IST1: variants seen among roughly 807,000 people sequenced by gnomAD.
IST1 encodes the protein IST1 homolog.
In IST1, 23 loss-of-function variants were observed where a neutral mutation model predicts 37.0. The observed-to-expected ratio is 0.62, with a 90% CI of 0.45 to 0.88. The LOEUF (loss-of-function observed/expected upper bound fraction) is 0.88, where lower values mean the gene tolerates loss of function less well. Ranked by LOEUF, IST1 falls within the 40% of genes least tolerant of loss-of-function variation. IST1 has a pLI of 0.00. For synonymous variants in IST1, 180 were observed against 161.7 expected, an observed-to-expected ratio of 1.11 and a Z score of -0.86; for missense variants, 488 against 445.4, an observed-to-expected ratio of 1.10 and a Z score of -0.86.
intron 1 of IST1, among the ~76,000 whole-genome samples, chr16:71,907,470 G>T (rs1188271566): frequency 6.6e-6 from 1 of 151,902 alleles, no homozygotes; most frequent in Non-Finnish European, 1.5e-5. Context: ...GTAGAGACGG[G>T]GTTTCACTGT....
In IST1 at chr16:71,930,918, C is replaced by G. The variant is rs1016087739; in HGVS notation, c.*3105C>G. ...CAGTCAATGCCACCCTGATGGAAAT[C>G]TATATGGCAAAATATTTTCAAGCAC... is the stretch of plus-strand genomic sequence containing the variant. On this transcript the variant is annotated 3_prime_UTR_variant, in exon 10 of 10. Coordinates refer to ENST00000378799, the MANE Select transcript of IST1 (RefSeq NM_001270975.2). 36 of 152,154 alleles carry G rather than the reference C, an allele frequency of 2.4e-4. No individual in the cohort carries two copies. Among genetic ancestry groups the G allele is most frequent in the African/African-American group, 8.7e-4 (36 of 41,442 alleles). 9.4% of individuals were successfully genotyped at this position (152,154 alleles called of 1,614,324 possible).
intron 8 of IST1, 147 bp downstream of exon 8, chr16:71,923,527 C>A: frequency 2.0e-6 from 1 of 503,256 alleles, no homozygotes; most frequent in Non-Finnish European, 3.6e-6. Flanking sequence ...TGCTTTATAA[C>A]ACTACCCTGG....
rs1260666652 is a variant in IST1, at chr16:71,923,283, T to TA, written c.760-4dup. 1.3e-6 allele frequency: 2 copies of TA among 1,595,706 alleles called. No individual in the cohort carries two copies. The highest frequency in any genetic ancestry group is 2.2e-5 in the East Asian group (1 of 44,540). On this transcript the variant is annotated splice_polypyrimidine_tract_variant and splice_region_variant and intron_variant, in intron 7 of 9. Transcript: ENST00000378799. ...GTCTCTGATGTTGCCTTTCTCCTCT[T>TA]ACAGTCAGATTTCAATGGACTGCCA... is the stretch of plus-strand genomic sequence containing the variant.
intron 1 of IST1, among the ~76,000 whole-genome samples, chr16:71,908,404 A>G (rs1215235456): frequency 4.2e-5 from 6 of 143,824 alleles, no homozygotes; most frequent in Non-Finnish European, 9.0e-5. Context: ...AGTTCAAGCG[A>G]TTCTCCTGCC....
At chr16:71,915,527 A>C (rs2037448540) in intron 1 of IST1, 99 bp from the exon 2 acceptor site, 1 of 720,032 alleles carries the variant, frequency 1.4e-6, no homozygotes. Flanking sequence ...GTATTAGAAA[A>C]ACACTCTGTT....
chr16:71,896,921 A>T (rs1282360130), intron 1 of IST1, among the ~76,000 whole-genome samples: 1 of 151,940 alleles, frequency 6.6e-6, no homozygotes, highest in Non-Finnish European at 1.5e-5. Flanking sequence ...TGAGTCGGTA[A>T]TCGTGCCACT....
At chr16:71,906,346 T>C (rs1186996264) in intron 1 of IST1, among the ~76,000 whole-genome samples, 1 of 150,660 alleles carries the variant, frequency 6.6e-6, no homozygotes, top group East Asian at 2.0e-4. Context: ...TTGCGCTTGT[T>C]GCCCAGGCTG....
intron 4 of IST1, 83 bp downstream of exon 4, chr16:71,917,217 T>G: frequency 2.5e-6 from 2 of 797,216 alleles, no homozygotes; most frequent in Non-Finnish European, 4.1e-6. Context: ...TCTGCTGATT[T>G]GACCAGATAT....
At chr16:71,898,782 G>C (rs147292822) in intron 1 of IST1, among the ~76,000 whole-genome samples, 99 of 151,884 alleles carry the variant, frequency 6.5e-4, no homozygotes, top group Middle Eastern at 6.8e-3. Context: ...TTGGAGACCA[G>C]CCTGGTCAAC....
At chr16:71,923,564 T>C (rs1279599744) in intron 8 of IST1, 184 bp downstream of exon 8, 9 of 449,166 alleles carry the variant, frequency 2.0e-5, no homozygotes, top group Non-Finnish European at 3.6e-5. Context: ...GTGATGGCAG[T>C]ATCATTGGTG....
rs1040939103 is a variant in IST1, at chr16:71,929,232, T to G, written c.*1419T>G. The G allele has an allele frequency of 2.2e-5, 5 of 227,072 alleles. No homozygotes were observed. Among genetic ancestry groups the G allele is most frequent in the African/African-American group, 9.1e-5 (4 of 43,738 alleles). The allele number at this position is 227,072 out of a possible 1,614,324, so 14.1% of individuals were successfully genotyped here. A position where few individuals can be genotyped will look rare whatever the true frequency, so the allele number is the denominator to read the frequency against. On this transcript the variant is annotated 3_prime_UTR_variant, in exon 10 of 10. Transcript: ENST00000378799. ...GCATCTGCCATGCCTCATCCTTGGA[T>G]GTTTATTTTTAGTAAGTTGCAGTGA... is the stretch of plus-strand genomic sequence containing the variant.
intron 1 of IST1, among the ~76,000 whole-genome samples, chr16:71,912,240 TA>T (rs949159769): frequency 1.3e-5 from 2 of 152,154 alleles, no homozygotes; most frequent in Non-Finnish European, 2.9e-5. Context: ...GTCTCCATTA[TA>T]AAAATTTTTT....
rs929054149 is a variant in IST1 at position 71,930,314 on chromosome 16, A to G, written c.*2501A>G. On this transcript the variant is annotated 3_prime_UTR_variant, in exon 10 of 10. Transcript: ENST00000378799. The stretch of plus-strand genomic sequence containing the variant: ...CCGAAGGAAACTTAGGGAGAGAGTC[A>G]AAAGATAATAAGAAGGAAAATACTT... 3.4e-6 allele frequency: 3 copies of G among 887,660 alleles called. No individual in the cohort carries two copies. Among genetic ancestry groups the G allele is most frequent in the Non-Finnish European group, 4.8e-6 (3 of 628,266 alleles). 55.0% of individuals were successfully genotyped at this position (887,660 alleles called of 1,614,324 possible). A position where few individuals can be genotyped will look rare whatever the true frequency, so the allele number is the denominator to read the frequency against.
chr16:71,924,933 C>G, intron 9 of IST1, 116 bp downstream of exon 9: 1 of 709,460 alleles, frequency 1.4e-6, no homozygotes, highest in Non-Finnish European at 2.5e-6. Context: ...ATCTGCATGC[C>G]CTGTTCTCTT....
chr16:71,909,715 G>A (rs1482244332), intron 1 of IST1, among the ~76,000 whole-genome samples: 1 of 152,096 alleles, frequency 6.6e-6, no homozygotes, highest in Non-Finnish European at 1.5e-5. Flanking sequence ...TCACTTCTAG[G>A]ATTATACAAA....
upstream of IST1, chr16:71,894,673 T>C: frequency 1.8e-6 from 1 of 566,706 alleles, no homozygotes; most frequent in African/African-American, 1.9e-5. Flanking sequence ...CCACAAGTGC[T>C]CACTGCTGCT....
At chr16:71,900,327 C>CTT (rs201344260) in intron 1 of IST1, among the ~76,000 whole-genome samples, 4,202 of 99,740 alleles carry the variant, frequency 0.042, 138 homozygotes, top group African/African-American at 0.12. Context: ...CTTAGGAAGT[C>CTT]TTTTTTTTTT....
chr16:71,929,397 C>T lies in IST1; in HGVS notation c.*1584C>T. 1.2e-6 allele frequency: 1 copy of T among 801,620 alleles called. No homozygotes were observed. Among genetic ancestry groups the T allele is most frequent in the South Asian group, 2.1e-5 (1 of 47,390 alleles). 49.7% of individuals were successfully genotyped at this position (801,620 alleles called of 1,614,324 possible). A position where few individuals can be genotyped will look rare whatever the true frequency, so the allele number is the denominator to read the frequency against. ...ATCCTATCTTGACAGTGCCAAGATC[C>T]ATAAGAACTTGGGACCAAGGGGATT... On this transcript the variant is annotated 3_prime_UTR_variant, in exon 10 of 10. Coordinates refer to ENST00000378799, the MANE Select transcript of IST1 (RefSeq NM_001270975.2).
intron 1 of IST1, among the ~76,000 whole-genome samples, chr16:71,915,189 A>G (rs991388368): frequency 2.0e-5 from 3 of 152,076 alleles, no homozygotes; most frequent in African/African-American, 7.2e-5. Context: ...ATCTTCCCCC[A>G]TTGCCATCCC....
Sources: allele counts gnomAD v4.1 joint callset (sites outside exome capture counted in the v4.1 genomes callset), GRCh38; gene constraint gnomAD v4.1.1; transcripts MANE v1.5; gene names NCBI Gene and HGNC (gene_info 2026-07-23, HGNC 2026-07-21).